Variants in C19orf44 observed in about 807,000 individuals in gnomAD.
C19orf44 encodes uncharacterized protein C19orf44.
Under a neutral mutation model 50.7 loss-of-function variants are expected in C19orf44, and 43 were observed. That is an observed-to-expected ratio of 0.85 (90% CI 0.66 to 1.09). The LOEUF (loss-of-function observed/expected upper bound fraction) is 1.09, where lower values mean the gene tolerates loss of function less well. Among genes scored for constraint, C19orf44 ranks in the 50% least tolerant of loss-of-function variants. The pLI is 0.00. For synonymous variants in C19orf44, 298 were observed against 334.7 expected (o/e 0.89, Z 1.20); for missense variants, 722 against 836.2 (o/e 0.86, Z 1.68).
intron 3 of C19orf44, among the ~76,000 whole-genome samples, chr19:16,504,408 A>G (rs993764574): frequency 6.6e-6 from 1 of 152,024 alleles, no homozygotes; most frequent in Admixed American, 6.6e-5. Flanking sequence ...AAATGACAAC[A>G]TAGGATGCTT....
At chr19:16,497,584 C>T (rs2093413508) in intron 1 of C19orf44, among the ~76,000 whole-genome samples, 2 of 151,296 alleles carry the variant, frequency 1.3e-5, no homozygotes, top group Middle Eastern at 3.5e-3. Context: ...CTCCTGACCT[C>T]GTGATCCGCC....
chr19:16,511,315 G>A (rs1223158863), intron 5 of C19orf44, among the ~76,000 whole-genome samples: 2 of 152,050 alleles, frequency 1.3e-5, no homozygotes, highest in Non-Finnish European at 2.9e-5. Flanking sequence ...GATTATAGGT[G>A]TGAGCCACCG....
intron 2 of C19orf44, among the ~76,000 whole-genome samples, chr19:16,502,327 T>C (rs2093427953): frequency 6.9e-6 from 1 of 145,742 alleles, no homozygotes; most frequent in African/African-American, 2.5e-5. Flanking sequence ...AACTTCTGCC[T>C]CCTGGGTTCA....
At position 16,508,815 on chromosome 19, in the gene C19orf44, C is replaced by T. The variant is rs1261576227; in HGVS notation, c.1150-684C>T. ...CTCAGCCACCTAACATTTCATCAGT[C>T]CATGATGAAATGTTTTTTTTTTGAG... On this transcript the variant is annotated intron_variant, in intron 4 of 8. Coordinates refer to ENST00000221671, the MANE Select transcript of C19orf44 (RefSeq NM_032207.4). 4.6e-5 allele frequency among the ~76,000 whole-genome samples: 7 copies of T among 150,964 alleles called. No homozygotes were observed. In the East Asian group the frequency reaches 1.2e-3, roughly 26 times the overall value.
At chr19:16,513,179 C>CTCCAGAGTGGGTGTGAAT in intron 6 of C19orf44, 70 bp downstream of exon 6, 3 of 1,487,274 alleles carry the variant, frequency 2.0e-6, no homozygotes, top group Non-Finnish European at 2.8e-6. Context: ...AGATTCACAC[C>CTCCAGAGTGGGTGTGAAT]CACTCTGGAG....
At chr19:16,502,788 A>G (rs531540207) in intron 2 of C19orf44, among the ~76,000 whole-genome samples, 2 of 151,624 alleles carry the variant, frequency 1.3e-5, no homozygotes, top group African/African-American at 4.8e-5. Context: ...GCTGTGGTCA[A>G]GGCCAGTCTG....
At chr19:16,516,207 G>C (rs927222583) in intron 7 of C19orf44, among the ~76,000 whole-genome samples, 3 of 152,166 alleles carry the variant, frequency 2.0e-5, no homozygotes, top group Admixed American at 1.3e-4. Flanking sequence ...AGCTGAGGCA[G>C]GGTGGGTCGC....
In C19orf44 at chr19:16,509,598, G is replaced by C. The variant is rs772627485; in HGVS notation, c.1249G>C (p.Ala417Pro). 2.0e-5 allele frequency: 32 copies of C among 1,614,072 alleles called. No individual in the cohort carries two copies. ...APRQAQARSW[A>P]SQGKAASAEG... ...GAGGCAGGCCCAGGCGAGGAGCTGGGCATCACAGGGAAAGGCCGCCTCTGC... is the reference window on the plus strand; with the variant it reads ...GAGGCAGGCCCAGGCGAGGAGCTGGCCATCACAGGGAAAGGCCGCCTCTGC... The change falls in exon 5 of 9, where the codon GCA (alanine) becomes CCA (proline). Residue 417 changes from alanine (A) to proline (P), a missense_variant. Physicochemically the swap from Ala to Pro is conservative, Grantham distance 27. Transcript: ENST00000221671.
chr19:16,508,889 C>T (rs1331560680), intron 4 of C19orf44, among the ~76,000 whole-genome samples: 1 of 151,622 alleles, frequency 6.6e-6, no homozygotes, highest in African/African-American at 2.4e-5. Context: ...GGTGTGATCT[C>T]AGCTCACCAT....
In C19orf44 at chr19:16,509,445, C is replaced by T. The variant is rs2093449868; in HGVS notation, c.1150-54C>T. 3 of 1,521,900 alleles carry T rather than the reference C, an allele frequency of 2.0e-6. No individual in the cohort carries two copies. The South Asian group carries it at 4.0e-5, about 20-fold the overall frequency. 94.3% of individuals were successfully genotyped at this position (1,521,900 alleles called of 1,614,324 possible). On this transcript the variant is annotated intron_variant, in intron 4 of 8. Coordinates refer to ENST00000221671, the MANE Select transcript of C19orf44 (RefSeq NM_032207.4). The stretch of plus-strand genomic sequence containing the variant: ...GCTCCTAGGAGTGCAGTGTTCCTAG[C>T]ATGTTGATATTTCCAAAACACTTCC...
At chr19:16,517,696 A>C (rs934772569) in intron 8 of C19orf44, among the ~76,000 whole-genome samples, 3 of 150,940 alleles carry the variant, frequency 2.0e-5, no homozygotes, top group Admixed American at 2.0e-4. Context: ...CTGGCATCCC[A>C]GTGAGCCAGA....
At chr19:16,514,436 G>T (rs570354966) in intron 6 of C19orf44, 61 bp from the exon 7 acceptor site, 54 of 1,480,478 alleles carry the variant, frequency 3.6e-5, no homozygotes, top group African/African-American at 1.4e-4. Flanking sequence ...AGCGGTGGGG[G>T]GGGGGCTGCA....
chr19:16,498,218 C>G (rs2093415338), intron 1 of C19orf44, among the ~76,000 whole-genome samples: 1 of 152,142 alleles, frequency 6.6e-6, no homozygotes, highest in Non-Finnish European at 1.5e-5. Flanking sequence ...TTTTGAGGAA[C>G]CAACTGTTTT....
In C19orf44 at chr19:16,521,347, T is replaced by C. The variant is rs888939783; in HGVS notation, c.*1294T>C. 10 of 606,114 alleles carry C rather than the reference T, an allele frequency of 1.6e-5. No homozygotes were observed. In the African/African-American group the frequency reaches 1.7e-4, roughly 10 times the overall value. 37.5% of individuals were successfully genotyped at this position (606,114 alleles called of 1,614,324 possible). A position where few individuals can be genotyped will look rare whatever the true frequency, so the allele number is the denominator to read the frequency against. On this transcript the variant is annotated 3_prime_UTR_variant, in exon 9 of 9. Transcript: ENST00000221671. ...TGTGTCTCCATTAAAACGCCCTTCA[T>C]TGAGGGCCACGTGTGTGCTGTGCCT...
chr19:16,502,249 T>G (rs1165920082), intron 2 of C19orf44, among the ~76,000 whole-genome samples: 1 of 146,960 alleles, frequency 6.8e-6, no homozygotes, highest in African/African-American at 2.5e-5. Context: ...TTTTTTTTTT[T>G]TTTTTTTGAG....
At chr19:16,517,864 C>T (rs552751304) in intron 8 of C19orf44, 1 of 152,826 alleles carries the variant, frequency 6.5e-6, no homozygotes, top group East Asian at 1.9e-4. Context: ...CCCGTGCACA[C>T]TTCTGACTTA....
At chr19:16,499,238 G>A (rs1157000997) in intron 1 of C19orf44, among the ~76,000 whole-genome samples, 1 of 152,064 alleles carries the variant, frequency 6.6e-6, no homozygotes, top group Non-Finnish European at 1.5e-5. Flanking sequence ...AGTTTATTCG[G>A]GAAACAGATT....
chr19:16,515,851 C>T (rs918617188), intron 7 of C19orf44, among the ~76,000 whole-genome samples: 2 of 151,954 alleles, frequency 1.3e-5, no homozygotes, highest in Non-Finnish European at 2.9e-5. Context: ...GGCTGGGGTG[C>T]AATGGTGCAA....
Position 16,509,893 on chromosome 19 carries a change from C to T in C19orf44, c.1544C>T (p.Ser515Phe), listed in dbSNP as rs769661033. Residue 515 changes from serine to phenylalanine, a missense_variant, in exon 5 of 9, where the codon TCT (serine) becomes TTT (phenylalanine). Physicochemically the swap from Ser to Phe is radical, Grantham distance 155. Transcript: ENST00000221671. ...ACAGACCTTCCACAAACAGCCGAGT[C>T]TAGGAAAAAGTCGGGCAGGCACGTG... is the stretch of plus-strand genomic sequence containing the variant. ...VKTDLPQTAESRKKSGRHVTR... is the reference protein window; with the variant it reads ...VKTDLPQTAEFRKKSGRHVTR... 8 of 1,614,250 alleles carry T rather than the reference C, an allele frequency of 5.0e-6. No homozygotes were observed. The highest frequency in any genetic ancestry group is 5.9e-6 in the Non-Finnish European group (7 of 1,180,052).
Sources: gnomAD v4.1 joint callset for allele counts (sites outside exome capture counted in the v4.1 genomes callset) on GRCh38, gnomAD v4.1.1 for gene constraint, MANE v1.5 for transcripts, NCBI Gene and HGNC (gene_info 2026-07-23, HGNC 2026-07-21) for gene names.